SLX4IP: variants seen among roughly 807,000 people sequenced by gnomAD.
SLX4IP encodes the protein SLX4 interacting protein, also known as protein SLX4IP.
SLX4IP carries 34 observed loss-of-function variants against 32.9 expected under a neutral mutation model. That is an observed-to-expected ratio of 1.03 (90% CI 0.79 to 1.38). The LOEUF (loss-of-function observed/expected upper bound fraction) is 1.38, where lower values mean the gene tolerates loss of function less well. Ranked by LOEUF, SLX4IP falls within the 40% of genes most tolerant of loss-of-function variation. SLX4IP has a pLI of 0.00. For missense variants in SLX4IP, 444 were observed against 479.0 expected, an observed-to-expected ratio of 0.93 and a Z score of 0.68; for synonymous variants, 172 against 171.7, an observed-to-expected ratio of 1.00 and a Z score of -0.01.
intron 2 of SLX4IP, among the ~76,000 whole-genome samples, chr20:10,552,069 G>A (rs1402339669): frequency 6.6e-6 from 1 of 152,222 alleles, no homozygotes; most frequent in Non-Finnish European, 1.5e-5. Flanking sequence ...GAGGGTTAGG[G>A]GAAGGGAGGA....
rs764822188 is a variant in SLX4IP at position 10,452,676 on chromosome 20, A to ATATATATAT, written c.-29-5500_-29-5499insTATATATAT. Among the ~76,000 whole-genome samples the ATATATATAT allele has an allele frequency of 7.6e-4, 74 of 97,958 alleles. No individual in the cohort carries two copies. In the South Asian group the frequency reaches 0.02, roughly 27 times the overall value. The allele number at this position is 97,958 out of a possible 152,430, so 64.3% of individuals were successfully genotyped here. A position where few individuals can be genotyped will look rare whatever the true frequency, so the allele number is the denominator to read the frequency against. On this transcript the variant is annotated intron_variant, in intron 1 of 7. Transcript: ENST00000334534. ...AGCGAAACTGTCTCAAAAAAAAAAA[A>ATATATATAT]AAAAATATATATATATATATGTAAA...
chr20:10,523,578 G>T (rs567501463), intron 2 of SLX4IP, among the ~76,000 whole-genome samples: 2 of 152,334 alleles, frequency 1.3e-5, no homozygotes, highest in East Asian at 3.9e-4. Context: ...TTTCTAAAAT[G>T]AGACTGTAAG....
chr20:10,584,506 C>G (rs78325160), intron 4 of SLX4IP, among the ~76,000 whole-genome samples: 3,194 of 152,270 alleles, frequency 0.021, 115 homozygotes, highest in African/African-American at 0.072. Context: ...TATAACATAC[C>G]AGTAAATCAA....
intron 2 of SLX4IP, among the ~76,000 whole-genome samples, chr20:10,469,939 G>A (rs1001910033): frequency 2.0e-5 from 3 of 152,168 alleles, no homozygotes; most frequent in East Asian, 1.9e-4. Flanking sequence ...ACCAAACACC[G>A]AGGGAAGACA....
At chr20:10,486,460 C>G (rs754331901) in intron 2 of SLX4IP, among the ~76,000 whole-genome samples, 4 of 152,138 alleles carry the variant, frequency 2.6e-5, no homozygotes, top group Non-Finnish European at 5.9e-5. Flanking sequence ...ACTGGTGTGC[C>G]AGGCTCTTTC....
intron 2 of SLX4IP, among the ~76,000 whole-genome samples, chr20:10,467,020 T>A (rs1296149062): frequency 1.3e-5 from 2 of 152,180 alleles, no homozygotes; most frequent in Non-Finnish European, 2.9e-5. Flanking sequence ...GACAATGATT[T>A]CCCCTTTATA....
intron 6 of SLX4IP, chr20:10,614,188 T>G (rs2067000907): frequency 1.3e-6 from 1 of 760,670 alleles, no homozygotes; most frequent in African/African-American, 1.8e-5. Context: ...CCATTAATTA[T>G]TTTCATTTGG....
At chr20:10,518,979 A>G (rs898463578) in intron 2 of SLX4IP, among the ~76,000 whole-genome samples, 4 of 152,178 alleles carry the variant, frequency 2.6e-5, no homozygotes, top group African/African-American at 9.7e-5. Context: ...GGTGTTCTGA[A>G]AGTAACATTG....
intron 2 of SLX4IP, among the ~76,000 whole-genome samples, chr20:10,504,865 G>A (rs937994764): frequency 6.6e-6 from 1 of 152,074 alleles, no homozygotes. Context: ...ACTTATTTAT[G>A]CCGTTCTCAT....
rs186477312 is a variant in SLX4IP at position 10,507,980 on chromosome 20, A to C, written c.28-48251A>C. On this transcript the variant is annotated intron_variant, in intron 2 of 7. Transcript: ENST00000334534. ...GTGTATATTTGATATATATATACAC[A>C]CATTTGTGTGTGTACGTAAACATTA... is the stretch of plus-strand genomic sequence containing the variant. 1.8e-3 allele frequency among the ~76,000 whole-genome samples: 276 copies of C among 151,982 alleles called. 1 individual carries two copies. Among genetic ancestry groups the C allele is most frequent in the African/African-American group, 6.3e-3 (262 of 41,468 alleles).
chr20:10,598,495 C>A (rs550674163), intron 4 of SLX4IP, among the ~76,000 whole-genome samples, 180 bp from the exon 5 acceptor site: 1 of 152,210 alleles, frequency 6.6e-6, no homozygotes, highest in African/African-American at 2.4e-5. Flanking sequence ...AACTCCTGAC[C>A]TCAAGTGATC....
At chr20:10,621,654 T>C (rs2067113668) in intron 7 of SLX4IP, among the ~76,000 whole-genome samples, 1 of 152,132 alleles carries the variant, frequency 6.6e-6, no homozygotes, top group African/African-American at 2.4e-5. Flanking sequence ...GAAAAGCACC[T>C]GTTGGTGGTG....
At chr20:10,622,033 A>T (rs991930781) in intron 7 of SLX4IP, among the ~76,000 whole-genome samples, 4 of 152,232 alleles carry the variant, frequency 2.6e-5, no homozygotes, top group Admixed American at 2.6e-4. Context: ...CAAGGGGCTT[A>T]TATACAGCTA....
intron 4 of SLX4IP, among the ~76,000 whole-genome samples, chr20:10,593,264 T>C (rs146994588): frequency 6.6e-6 from 1 of 152,348 alleles, no homozygotes; most frequent in Admixed American, 6.5e-5. Flanking sequence ...TCTTTGAAAT[T>C]ATCATTAGGA....
At chr20:10,543,856 A>G (rs1645171027) in intron 2 of SLX4IP, among the ~76,000 whole-genome samples, 1 of 152,232 alleles carries the variant, frequency 6.6e-6, no homozygotes, top group African/African-American at 2.4e-5. Context: ...TGCTTTGTCA[A>G]CTGCCTTCAC....
intron 6 of SLX4IP, among the ~76,000 whole-genome samples, chr20:10,616,824 T>A (rs1222171640): frequency 6.6e-6 from 1 of 152,202 alleles, no homozygotes; most frequent in Non-Finnish European, 1.5e-5. Flanking sequence ...CATAACCACC[T>A]GACATACGTT....
chr20:10,611,104 T>A (rs1376721561), intron 6 of SLX4IP, among the ~76,000 whole-genome samples: 1 of 152,240 alleles, frequency 6.6e-6, no homozygotes, highest in Non-Finnish European at 1.5e-5. Flanking sequence ...TCTTTTTGCC[T>A]CATTACAAAT....
chr20:10,500,471 C>T (rs1268736689), intron 2 of SLX4IP, among the ~76,000 whole-genome samples: 1 of 152,020 alleles, frequency 6.6e-6, no homozygotes, highest in Admixed American at 6.6e-5. Context: ...AAAGATGGGG[C>T]CAGGCATGGT....
At chr20:10,489,134 T>A (rs985843309) in intron 2 of SLX4IP, among the ~76,000 whole-genome samples, 1 of 152,188 alleles carries the variant, frequency 6.6e-6, no homozygotes, top group African/African-American at 2.4e-5. Flanking sequence ...TAAACAGTAG[T>A]GCAGCAGCAG....
Sources: allele counts gnomAD v4.1 joint callset (sites outside exome capture counted in the v4.1 genomes callset), GRCh38; gene constraint gnomAD v4.1.1; transcripts MANE v1.5; gene names NCBI Gene and HGNC (gene_info 2026-07-23, HGNC 2026-07-21).